SYT2: variants seen among roughly 807,000 people sequenced by gnomAD.
SYT2 encodes the protein synaptotagmin 2, also known as synaptotagmin-2.
In SYT2, 15 loss-of-function variants were observed where a neutral mutation model predicts 39.9. That is an observed-to-expected ratio of 0.38 (90% confidence interval 0.25 to 0.58). The LOEUF (loss-of-function observed/expected upper bound fraction) is 0.58, where lower values mean the gene tolerates loss of function less well. Ranked by LOEUF, SYT2 falls within the 20% of genes least tolerant of loss-of-function variation. SYT2 has a pLI of 0.70. For missense variants in SYT2, 389 were observed against 530.3 expected, an observed-to-expected ratio of 0.73 and a Z score of 2.62; for synonymous variants, 181 against 204.5, an observed-to-expected ratio of 0.89 and a Z score of 0.98.
chr1:202,640,253 C>T (rs545691656), intron 1 of SYT2, among the ~76,000 whole-genome samples: 35 of 151,142 alleles, frequency 2.3e-4, no homozygotes, highest in African/African-American at 3.6e-4. Context: ...CACCCCACCC[C>T]GCCCCACCCA....
At chr1:202,629,679 G>A (rs1334096264) in intron 1 of SYT2, among the ~76,000 whole-genome samples, 1 of 152,102 alleles carries the variant, frequency 6.6e-6, no homozygotes, top group Admixed American at 6.5e-5. Flanking sequence ...GGCCAGCCTG[G>A]GCAGCACAGT....
intron 1 of SYT2, among the ~76,000 whole-genome samples, chr1:202,633,438 A>C (rs12409084): frequency 0.079 from 12,018 of 151,992 alleles, 765 homozygotes; most frequent in East Asian, 0.32. Flanking sequence ...TCCAGCCCAC[A>C]CCAAGGGCTC....
At chr1:202,692,631 T>C (rs1004535970) in intron 1 of SYT2, among the ~76,000 whole-genome samples, 2 of 152,156 alleles carry the variant, frequency 1.3e-5, no homozygotes, top group Non-Finnish European at 2.9e-5. Flanking sequence ...TTGGAGCTCA[T>C]CCTCCTCATT....
chr1:202,603,043 C>T lies in SYT2; in HGVS notation c.421G>A (p.Gly141Ser), dbSNP rs1403639384. 3 of 1,613,860 alleles carry T rather than the reference C, an allele frequency of 1.9e-6. No individual in the cohort carries two copies. Among genetic ancestry groups the T allele is most frequent in the Non-Finnish European group, 2.5e-6 (3 of 1,179,986 alleles). ...GEEEKEPENL[G>S]KLQFSLDYDF... ...TAGTCCAGGGAAAACTGCAGTTTGCCCAGGTTCTCTGGCTCTTTCTCCTCC... is the reference window on the plus strand; with the variant it reads ...TAGTCCAGGGAAAACTGCAGTTTGCTCAGGTTCTCTGGCTCTTTCTCCTCC... The change falls in exon 4 of 9, where the codon GGC becomes AGC. Residue 141 changes from glycine to serine, a missense_variant. This residue lies in a region of SYT2 where 280 missense variants were observed against 335.6 expected (regional missense o/e 0.83). Coordinates refer to ENST00000367268, the MANE Select transcript of SYT2 (RefSeq NM_177402.5).
chr1:202,677,673 C>G lies in SYT2; in HGVS notation c.-18+32585G>C, dbSNP rs1186094697. Among the ~76,000 whole-genome samples, 94 of 152,146 alleles carry G rather than the reference C, an allele frequency of 6.2e-4. 2 individuals are homozygous for G. The highest frequency in any genetic ancestry group is 6.2e-3 in the Admixed American group (94 of 15,274). On this transcript the variant is annotated intron_variant, in intron 1 of 8. Coordinates refer to ENST00000367268, the MANE Select transcript of SYT2 (RefSeq NM_177402.5). ...CCTGCTCAAACTGTAGATTTCTGATCAAAGTAAATGATTGTTTTTGTTTTA... is the reference window on the plus strand; with the variant it reads ...CCTGCTCAAACTGTAGATTTCTGATGAAAGTAAATGATTGTTTTTGTTTTA...
At chr1:202,683,762 G>A (rs1653588030) in intron 1 of SYT2, among the ~76,000 whole-genome samples, 1 of 147,748 alleles carries the variant, frequency 6.8e-6, no homozygotes, top group African/African-American at 2.5e-5. Flanking sequence ...AAAAAAGAGT[G>A]TATACTATAT....
chr1:202,684,208 G>A (rs764546304), intron 1 of SYT2, among the ~76,000 whole-genome samples: 18 of 152,030 alleles, frequency 1.2e-4, no homozygotes, highest in Non-Finnish European at 1.8e-4. Context: ...CACATGATTC[G>A]GTATGATTAA....
chr1:202,656,791 T>C (rs1692284914), intron 1 of SYT2, among the ~76,000 whole-genome samples: 1 of 152,188 alleles, frequency 6.6e-6, no homozygotes, highest in Non-Finnish European at 1.5e-5. Context: ...GCTAGAACAT[T>C]CCAGCAACAG....
chr1:202,613,458 A>G (rs1283211401), intron 1 of SYT2, among the ~76,000 whole-genome samples: 2 of 152,092 alleles, frequency 1.3e-5, no homozygotes, highest in African/African-American at 4.8e-5. Context: ...TTTTCTATAT[A>G]TAGAATCATG....
chr1:202,624,755 GGTGTGTGTGTGGTGTGTGGT>G (rs1156848026), intron 1 of SYT2, among the ~76,000 whole-genome samples: 3 of 88,730 alleles, frequency 3.4e-5, no homozygotes, highest in Non-Finnish European at 6.4e-5. Context: ...TAGGGTGTGT[GGTGTGTGTGTGGTGTGTGGT>G]GTGTGTGTGG....
intron 1 of SYT2, among the ~76,000 whole-genome samples, chr1:202,616,953 CG>C (rs1005757096): frequency 1.3e-5 from 2 of 152,222 alleles, no homozygotes; most frequent in African/African-American, 4.8e-5. Context: ...CAGTCAGTTC[CG>C]TATTTGCCAC....
intron 1 of SYT2, among the ~76,000 whole-genome samples, chr1:202,689,080 C>G: frequency 6.6e-6 from 1 of 152,152 alleles, no homozygotes; most frequent in Non-Finnish European, 1.5e-5. Context: ...CCTGAGACCC[C>G]TGAATTACTG....
At chr1:202,651,328 G>C (rs1359037575) in intron 1 of SYT2, among the ~76,000 whole-genome samples, 7 of 151,884 alleles carry the variant, frequency 4.6e-5, no homozygotes, top group African/African-American at 1.7e-4. Flanking sequence ...GGAAGGATAG[G>C]GATGTCAGTC....
intron 1 of SYT2, among the ~76,000 whole-genome samples, chr1:202,700,467 C>T (rs761408885): frequency 6.6e-6 from 1 of 152,152 alleles, no homozygotes; most frequent in Non-Finnish European, 1.5e-5. Context: ...CCTCCAAGAG[C>T]GTTTTCTTAT....
At chr1:202,677,351 G>C (rs758855312) in intron 1 of SYT2, among the ~76,000 whole-genome samples, 3 of 152,108 alleles carry the variant, frequency 2.0e-5, no homozygotes, top group Non-Finnish European at 4.4e-5. Flanking sequence ...GTAAATTATG[G>C]CAGAAGTGAC....
chr1:202,664,282 G>A (rs1692442453), intron 1 of SYT2, among the ~76,000 whole-genome samples: 1 of 152,130 alleles, frequency 6.6e-6, no homozygotes, highest in South Asian at 2.1e-4. Flanking sequence ...GCAGGAAGGT[G>A]ACTCACTGCC....
In SYT2 at chr1:202,625,359, TTGTGGTG is replaced by T. The variant is rs1240192601; in HGVS notation, c.-17-19577_-17-19571del. 3.0e-4 allele frequency among the ~76,000 whole-genome samples: 38 copies of T among 126,038 alleles called. 1 individual carries two copies. The highest frequency in any genetic ancestry group is 1.2e-3 in the Admixed American group (15 of 12,152). 82.7% of individuals were successfully genotyped at this position (126,038 alleles called of 152,430 possible). ...ATGTAGTAGGGTGTGTGTGTGATGT[TTGTGGTG>T]TGTGGTGTGTGTGTGTAGTGTGTGT... On this transcript the variant is annotated intron_variant, in intron 1 of 8. Coordinates refer to ENST00000367268, the MANE Select transcript of SYT2 (RefSeq NM_177402.5).
chr1:202,605,715 C>T lies in SYT2; in HGVS notation c.58G>A (p.Ala20Thr), dbSNP rs764945265. 145 of 1,613,990 alleles carry T rather than the reference C, an allele frequency of 9.0e-5. No individual in the cohort carries two copies. The highest frequency in any genetic ancestry group is 1.2e-4 in the Non-Finnish European group (139 of 1,179,938). ...TCCACGGGTCCAATGGGCATCGTGG[C>T]GGTGGTGGTGGCAGGAGCCACAATA... ...EPIVAPATTTATMPIGPVDNS... is the reference protein window; with the variant it reads ...EPIVAPATTTTTMPIGPVDNS... The change falls in exon 2 of 9, where the codon GCC becomes ACC. Residue 20 changes from alanine to threonine, a missense_variant. Coordinates refer to ENST00000367268, the MANE Select transcript of SYT2 (RefSeq NM_177402.5).
chr1:202,602,778 A>C (rs1462056532), intron 4 of SYT2, among the ~76,000 whole-genome samples: 1 of 152,134 alleles, frequency 6.6e-6, no homozygotes, highest in African/African-American at 2.4e-5. Context: ...GTTGGTGGGG[A>C]GGTTAATAGC....
Sources: allele counts gnomAD v4.1 joint callset (sites outside exome capture counted in the v4.1 genomes callset), GRCh38; gene constraint gnomAD v4.1.1; regional missense constraint gnomAD v4.1.1; transcripts MANE v1.5; gene names NCBI Gene and HGNC (gene_info 2026-07-23, HGNC 2026-07-21).